The following DEFB123 variants were observed in gnomAD, a reference collection of about 807,000 sequenced individuals.
DEFB123 encodes beta-defensin 123.
For synonymous variants in DEFB123, 22 were observed against 28.3 expected, an observed-to-expected ratio of 0.78 and a Z score of 0.71; for missense variants, 71 against 75.0, an observed-to-expected ratio of 0.95 and a Z score of 0.20.
chr20:31,448,367 G>A (rs757476591), intron 1 of DEFB123, among the ~76,000 whole-genome samples: 16 of 152,048 alleles, frequency 1.1e-4, no homozygotes, highest in Non-Finnish European at 1.9e-4. Flanking sequence ...GTAGTTCACC[G>A]AGGGTCATGG....
At chr20:31,442,662 G>A (rs2122410237) in intron 1 of DEFB123, among the ~76,000 whole-genome samples, 3 of 145,964 alleles carry the variant, frequency 2.1e-5, no homozygotes, top group Middle Eastern at 3.5e-3. Context: ...GTGCTGGAGT[G>A]TAGAGGCACG....
chr20:31,443,292 C>G (rs574079155), intron 1 of DEFB123, among the ~76,000 whole-genome samples: 1 of 152,278 alleles, frequency 6.6e-6, no homozygotes, highest in East Asian at 1.9e-4. Context: ...GTACTCTTGG[C>G]AGGTCCCTCA....
intron 1 of DEFB123, among the ~76,000 whole-genome samples, chr20:31,449,471 A>T (rs1979680757): frequency 6.6e-6 from 1 of 152,164 alleles, no homozygotes; most frequent in Non-Finnish European, 1.5e-5. Context: ...CCACTCAGGC[A>T]GGTGGAAACA....
At chr20:31,441,299 A>G (rs1429794096) in intron 1 of DEFB123, among the ~76,000 whole-genome samples, 1 of 152,116 alleles carries the variant, frequency 6.6e-6, no homozygotes, top group Non-Finnish European at 1.5e-5. Context: ...CTGGGTACAC[A>G]TGGTCCAGCC....
chr20:31,447,704 C>T (rs774584938), intron 1 of DEFB123, among the ~76,000 whole-genome samples: 9 of 151,112 alleles, frequency 6.0e-5, no homozygotes, highest in Non-Finnish European at 1.2e-4. Context: ...GCAGCCTCGA[C>T]CTCCCAGGCT....
At chr20:31,442,671 C>T (rs910948194) in intron 1 of DEFB123, among the ~76,000 whole-genome samples, 3 of 146,158 alleles carry the variant, frequency 2.1e-5, no homozygotes, top group East Asian at 2.0e-4. Flanking sequence ...TGTAGAGGCA[C>T]GATCTTAGCT....
chr20:31,444,819 G>A (rs1165617870), intron 1 of DEFB123, among the ~76,000 whole-genome samples: 3 of 152,074 alleles, frequency 2.0e-5, no homozygotes, highest in African/African-American at 4.8e-5. Flanking sequence ...CAGTCACTCC[G>A]AAAACGTCTC....
At chr20:31,444,069 C>T (rs181093356) in intron 1 of DEFB123, among the ~76,000 whole-genome samples, 16 of 152,316 alleles carry the variant, frequency 1.1e-4, no homozygotes, top group Admixed American at 4.6e-4. Flanking sequence ...GTTTGCTGTT[C>T]TGTTGTTCAC....
chr20:31,446,991 G>A (rs570577818), intron 1 of DEFB123, among the ~76,000 whole-genome samples: 4 of 148,820 alleles, frequency 2.7e-5, no homozygotes, highest in Admixed American at 2.0e-4. Context: ...GGCCCGGCGC[G>A]GTGGCTCACA....
chr20:31,444,259 T>C (rs761970171), intron 1 of DEFB123, among the ~76,000 whole-genome samples: 1 of 151,562 alleles, frequency 6.6e-6, no homozygotes. Flanking sequence ...CCAGCAGAGA[T>C]GAGATTTAGG....
rs745819155 is a variant in DEFB123, at chr20:31,450,102, TTAC to T, written c.134_136del (p.Tyr45del). 2.5e-6 allele frequency: 4 copies of T among 1,612,848 alleles called. No homozygotes were observed. Among genetic ancestry groups the T allele is most frequent in the Non-Finnish European group, 2.5e-6 (3 of 1,179,546 alleles). Reference sequence around the variant, plus strand: ...GCTCCAAGAAGGAAAGAGTCTATGTTTACTGCATAAATAATAAAATGTGCTGCG... The same window carrying T: ...GCTCCAAGAAGGAAAGAGTCTATGTTTGCATAAATAATAAAATGTGCTGCG... On this transcript the variant is annotated inframe_deletion, in exon 2 of 2. Transcript: ENST00000376309.
Sources: allele counts gnomAD v4.1 joint callset (sites outside exome capture counted in the v4.1 genomes callset), GRCh38; gene constraint gnomAD v4.1.1; transcripts MANE v1.5; gene names NCBI Gene and HGNC (gene_info 2026-07-23, HGNC 2026-07-21).